The following SDK1 variants were observed in gnomAD, a reference collection of about 807,000 sequenced individuals.
The protein encoded by SDK1 is protein sidekick-1.
A neutral mutation model predicts 245.5 loss-of-function variants in SDK1; 157 were observed. The observed-to-expected ratio is 0.64, with a 90% CI of 0.56 to 0.73. The LOEUF (loss-of-function observed/expected upper bound fraction) is 0.73, where lower values mean the gene tolerates loss of function less well. SDK1 is among the 30% of genes least tolerant of loss of function. SDK1 has a pLI of 0.00. For missense variants in SDK1, 3,583 were observed against 3,002.3 expected, an observed-to-expected ratio of 1.19 and a Z score of -4.52; for synonymous variants, 1,647 against 1,278.5, an observed-to-expected ratio of 1.29 and a Z score of -6.15.
intron 5 of SDK1, among the ~76,000 whole-genome samples, chr7:3,932,273 T>C (rs1215935331): frequency 1.3e-5 from 2 of 152,230 alleles, no homozygotes; most frequent in Admixed American, 1.3e-4. Flanking sequence ...AGCTGTGCTT[T>C]TGTGCACTTC....
At position 4,268,800 on chromosome 7, in the gene SDK1, G is replaced by C; in HGVS notation, c.*3416G>C. The C allele has an allele frequency of 7.6e-7, 1 of 1,310,018 alleles. No individual in the cohort carries two copies. Among genetic ancestry groups the C allele is most frequent in the Non-Finnish European group, 1.0e-6 (1 of 969,602 alleles). 81.1% of individuals were successfully genotyped at this position (1,310,018 alleles called of 1,614,324 possible). On this transcript the variant is annotated 3_prime_UTR_variant, in exon 45 of 45. Transcript: ENST00000404826. ...GACAACGTGGAAACTCATGAGCTGA[G>C]CCTGCCCGCTGGGACACGTCTCCTT...
intron 4 of SDK1, among the ~76,000 whole-genome samples, chr7:3,657,747 T>A (rs1370852787): frequency 6.6e-6 from 1 of 152,184 alleles, no homozygotes; most frequent in Admixed American, 6.5e-5. Flanking sequence ...GAGGCACGTA[T>A]GTTTTTCTTA....
chr7:4,085,839 G>A (rs191753297), intron 22 of SDK1, among the ~76,000 whole-genome samples: 2 of 152,200 alleles, frequency 1.3e-5, no homozygotes, highest in African/African-American at 4.8e-5. Context: ...ACAGGTGTGA[G>A]CCACTGCACC....
chr7:3,542,814 A>G (rs1163646593), intron 1 of SDK1, among the ~76,000 whole-genome samples: 1 of 152,190 alleles, frequency 6.6e-6, no homozygotes. Flanking sequence ...AAGTGTAGAG[A>G]GAGAAATTAG....
intron 4 of SDK1, among the ~76,000 whole-genome samples, chr7:3,660,623 GA>G (rs1205332625): frequency 6.6e-6 from 1 of 152,146 alleles, no homozygotes; most frequent in African/African-American, 2.4e-5. Context: ...CCATAAATTA[GA>G]AAGCCTTCTG....
intron 1 of SDK1, among the ~76,000 whole-genome samples, chr7:3,368,350 G>A (rs950884447): frequency 5.9e-5 from 9 of 152,100 alleles, no homozygotes; most frequent in African/African-American, 1.7e-4. Context: ...CTGTTAAAAC[G>A]AACACTTAAA....
At chr7:3,777,833 A>T (rs769099080) in intron 4 of SDK1, among the ~76,000 whole-genome samples, 1 of 152,236 alleles carries the variant, frequency 6.6e-6, no homozygotes, top group Non-Finnish European at 1.5e-5. Context: ...CTTTACAGAA[A>T]GTCGTCCTTA....
At chr7:3,779,177 G>A (rs1209233693) in intron 4 of SDK1, among the ~76,000 whole-genome samples, 1 of 152,104 alleles carries the variant, frequency 6.6e-6, no homozygotes, top group African/African-American at 2.4e-5. Context: ...TTAGGACTAG[G>A]TATACCATCT....
chr7:4,168,843 T>C (rs1781659121), intron 32 of SDK1, among the ~76,000 whole-genome samples: 1 of 152,164 alleles, frequency 6.6e-6, no homozygotes, highest in South Asian at 2.1e-4. Context: ...GTCATGCTGA[T>C]AGTCAGTCCA....
At chr7:3,967,627 T>C (rs1782180465) in intron 10 of SDK1, among the ~76,000 whole-genome samples, 193 bp downstream of exon 10, 1 of 152,248 alleles carries the variant, frequency 6.6e-6, no homozygotes, top group South Asian at 2.1e-4. Context: ...AATTTCTCCA[T>C]GGTCTCCAGT....
intron 16 of SDK1, among the ~76,000 whole-genome samples, chr7:4,014,075 T>C (rs925102161): frequency 5.3e-5 from 8 of 152,234 alleles, no homozygotes; most frequent in African/African-American, 1.9e-4. Context: ...ATGAGAATAA[T>C]TGGCTGCCCT....
At chr7:4,025,959 A>C (rs1787309399) in intron 17 of SDK1, among the ~76,000 whole-genome samples, 1 of 152,176 alleles carries the variant, frequency 6.6e-6, no homozygotes, top group African/African-American at 2.4e-5. Context: ...TAAATGCAGA[A>C]TCTTTCCTCC....
At chr7:3,581,387 A>G (rs1007352511) in intron 1 of SDK1, among the ~76,000 whole-genome samples, 1 of 152,236 alleles carries the variant, frequency 6.6e-6, no homozygotes, top group South Asian at 2.1e-4. Flanking sequence ...GCCAACAAGC[A>G]TATGATAAAA....
intron 1 of SDK1, among the ~76,000 whole-genome samples, chr7:3,425,492 T>G (rs2128582233): frequency 6.6e-6 from 1 of 152,192 alleles, no homozygotes; most frequent in East Asian, 1.9e-4. Context: ...GCATGATAGA[T>G]TTGTTTTTCT....
intron 1 of SDK1, among the ~76,000 whole-genome samples, chr7:3,427,779 C>G (rs985369895): frequency 6.6e-6 from 1 of 152,058 alleles, no homozygotes; most frequent in African/African-American, 2.4e-5. Context: ...TATTCTTTTG[C>G]TAATTTATGT....
At chr7:3,915,543 C>T (rs966090948) in intron 5 of SDK1, among the ~76,000 whole-genome samples, 1 of 152,210 alleles carries the variant, frequency 6.6e-6, no homozygotes, top group Admixed American at 6.5e-5. Context: ...TGTAAGACAT[C>T]CTTTTGCTCT....
At chr7:3,506,715 T>C (rs1782402946) in intron 1 of SDK1, among the ~76,000 whole-genome samples, 1 of 152,194 alleles carries the variant, frequency 6.6e-6, no homozygotes, top group Non-Finnish European at 1.5e-5. Flanking sequence ...GATCTTTTCT[T>C]CTCCTATATT....
chr7:3,545,115 A>G (rs1176147582), intron 1 of SDK1, among the ~76,000 whole-genome samples: 2 of 152,176 alleles, frequency 1.3e-5, no homozygotes, highest in Non-Finnish European at 2.9e-5. Context: ...CACATGTTAC[A>G]GAGGGCTGCT....
chr7:3,978,120 G>C (rs982648878), intron 13 of SDK1, among the ~76,000 whole-genome samples: 2 of 151,980 alleles, frequency 1.3e-5, no homozygotes, highest in African/African-American at 4.8e-5. Flanking sequence ...AATATAGGAG[G>C]ATATGGCCAG....
Sources: gnomAD v4.1 joint callset for allele counts (sites outside exome capture counted in the v4.1 genomes callset) on GRCh38, gnomAD v4.1.1 for gene constraint, MANE v1.5 for transcripts, NCBI Gene and HGNC (gene_info 2026-07-23, HGNC 2026-07-21) for gene names.